Variants in PTRH1 observed in about 807,000 individuals in gnomAD.
PTRH1 encodes the protein peptidyl-tRNA hydrolase 1 homolog.
PTRH1 carries 13 observed loss-of-function variants against 15.7 expected under a neutral mutation model. The observed-to-expected ratio is 0.83, with a 90% CI of 0.54 to 1.31. The LOEUF (loss-of-function observed/expected upper bound fraction) is 1.31. Among genes scored for constraint, PTRH1 ranks in the 40% most tolerant of loss-of-function variants. The pLI, the probability that PTRH1 is intolerant of heterozygous loss-of-function variation, is 0.00. For synonymous variants in PTRH1, 139 were observed against 136.7 expected, an observed-to-expected ratio of 1.02 and a Z score of -0.12; for missense variants, 319 against 296.2, an observed-to-expected ratio of 1.08 and a Z score of -0.56.
At chr9:127,711,199 G>C, downstream of PTRH1, 1 of 1,608,054 alleles carries the variant, frequency 6.2e-7, no homozygotes, top group Non-Finnish European at 8.5e-7. Context: ...CGCTCTGTCT[G>C]ACCCCTTCCC....
chr9:127,710,650 C>T (rs760945846), downstream of PTRH1: 1 of 1,587,214 alleles, frequency 6.3e-7, no homozygotes. Context: ...AAGAGGAGGT[C>T]ACGGACAAGT....
At chr9:127,706,976 T>C (rs1476044589) in intron 1 of PTRH1, 5 of 1,596,204 alleles carry the variant, frequency 3.1e-6, no homozygotes, top group Admixed American at 1.7e-5. Context: ...GGGACCAGCT[T>C]CCTTAGCAAC....
At chr9:127,713,213 G>T, downstream of PTRH1, 4 of 1,519,514 alleles carry the variant, frequency 2.6e-6, no homozygotes, top group Non-Finnish European at 3.5e-6. Flanking sequence ...TGAGGTGAGG[G>T]TGCCAGGGGC....
chr9:127,712,291 G>A (rs541406158), downstream of PTRH1: 109 of 1,614,026 alleles, frequency 6.8e-5, 2 homozygotes, highest in South Asian at 7.0e-4. Flanking sequence ...CAGAAGGTTC[G>A]GGCCAGCCTG....
At chr9:127,713,272 T>G, downstream of PTRH1, 1 of 1,223,832 alleles carries the variant, frequency 8.2e-7, no homozygotes, top group South Asian at 1.5e-5. Context: ...ACTGAGGCTC[T>G]GCCAGGCCAC....
Position 127,714,158 on chromosome 9 carries a change from G to T in PTRH1, c.587C>A (p.Thr196Asn). 1 of 1,613,902 alleles carries T rather than the reference G, an allele frequency of 6.2e-7. No homozygotes were observed. Among genetic ancestry groups the T allele is most frequent in the Non-Finnish European group, 8.5e-7 (1 of 1,180,016 alleles). Residue 196 changes from threonine (T) to asparagine (N), a missense_variant, in exon 5 of 5, where the codon ACC becomes AAC. Coordinates refer to ENST00000543175, the MANE Select transcript of PTRH1 (RefSeq NM_001002913.3). ...ELLPLLLDRA[T>N]DLILDHIRER... ...ACGGATGTGGTCCAAGATCAGGTCG[G>T]TGGCTCGATCCAGCAACAGAGGCAG...
At chr9:127,714,935 C>A in intron 2 of PTRH1, 40 bp downstream of exon 2, 1 of 643,720 alleles carries the variant, frequency 1.6e-6, no homozygotes. Flanking sequence ...AACCCCCACC[C>A]CCTTGGCCCG....
At chr9:127,700,669 A>G (rs926088994) in intron 1 of PTRH1, among the ~76,000 whole-genome samples, 1 of 152,226 alleles carries the variant, frequency 6.6e-6, no homozygotes, top group East Asian at 1.9e-4. Flanking sequence ...ACCTCGGGCC[A>G]TGGCAGGTGA....
chr9:127,709,639 C>A, downstream of PTRH1: 1 of 1,613,716 alleles, frequency 6.2e-7, no homozygotes, highest in East Asian at 2.2e-5. This position sits in a 1 kb window ranked among gnomAD's most constrained non-coding sequence, Gnocchi z 4.7. Flanking sequence ...GGCCCAGGTG[C>A]GCCACGAGTT....
intron 1 of PTRH1, among the ~76,000 whole-genome samples, chr9:127,702,398 G>A (rs1452130743): frequency 1.3e-5 from 2 of 151,666 alleles, no homozygotes; most frequent in Admixed American, 1.3e-4. Context: ...AAAGCCGGAG[G>A]TGGTGCATGC....
At chr9:127,700,420 C>G (rs1165800493) in intron 1 of PTRH1, among the ~76,000 whole-genome samples, 1 of 152,158 alleles carries the variant, frequency 6.6e-6, no homozygotes, top group African/African-American at 2.4e-5. Context: ...CCTCTGTCAA[C>G]TAAAAATGAA....
chr9:127,703,907 G>A (rs1842622601), intron 1 of PTRH1, among the ~76,000 whole-genome samples: 1 of 152,098 alleles, frequency 6.6e-6, no homozygotes, highest in Non-Finnish European at 1.5e-5. Context: ...CCTCTCTGCT[G>A]TACCTGCTTG....
At chr9:127,697,304 G>A (rs1842569090) in intron 1 of PTRH1, among the ~76,000 whole-genome samples, 2 of 152,184 alleles carry the variant, frequency 1.3e-5, no homozygotes, top group South Asian at 4.1e-4. Flanking sequence ...CAGAGACAGT[G>A]ATCTGAGTTA....
At chr9:127,703,248 C>T (rs1340998294) in intron 1 of PTRH1, among the ~76,000 whole-genome samples, 4 of 151,530 alleles carry the variant, frequency 2.6e-5, no homozygotes, top group African/African-American at 7.3e-5. Flanking sequence ...GTCAGGAGTT[C>T]GAGACCAGCC....
chr9:127,711,591 A>G, downstream of PTRH1: 1 of 1,476,860 alleles, frequency 6.8e-7, no homozygotes, highest in Non-Finnish European at 9.1e-7. Context: ...CAGTCAAGTC[A>G]GGAGGGAGGG....
At chr9:127,712,955 G>A (rs1031337636), downstream of PTRH1, 25 of 1,592,944 alleles carry the variant, frequency 1.6e-5, no homozygotes, top group East Asian at 1.2e-4. Context: ...GACAGTGCTC[G>A]GCTCACCCTG....
At chr9:127,697,345 G>A in intron 1 of PTRH1, among the ~76,000 whole-genome samples, 1 of 152,188 alleles carries the variant, frequency 6.6e-6, no homozygotes, top group Non-Finnish European at 1.5e-5. Flanking sequence ...GGCACCAGCT[G>A]TTGGCAAGAA....
At chr9:127,703,959 G>A (rs1842623009) in intron 1 of PTRH1, among the ~76,000 whole-genome samples, 1 of 152,158 alleles carries the variant, frequency 6.6e-6, no homozygotes, top group Non-Finnish European at 1.5e-5. Flanking sequence ...GGGAGGGGTG[G>A]GGTGCTGTGT....
At chr9:127,711,559 C>T, downstream of PTRH1, 1 of 1,567,558 alleles carries the variant, frequency 6.4e-7, no homozygotes, top group Non-Finnish European at 8.6e-7. Context: ...CCCTGGGGGC[C>T]CTGCAGGGGT....
Sources: allele counts gnomAD v4.1 joint callset (sites outside exome capture counted in the v4.1 genomes callset), GRCh38; gene constraint gnomAD v4.1.1; non-coding constraint Gnocchi (gnomAD v3.1); transcripts MANE v1.5; gene names NCBI Gene and HGNC (gene_info 2026-07-23, HGNC 2026-07-21).